Variants in ZNF484 observed in about 807,000 individuals in gnomAD.
The protein encoded by ZNF484 is zinc finger protein 484.
ZNF484 carries 11 observed loss-of-function variants against 12.9 expected under a neutral mutation model. That is an observed-to-expected ratio of 0.85 (90% confidence interval 0.54 to 1.41). The LOEUF (loss-of-function observed/expected upper bound fraction) is 1.41. Among genes scored for constraint, ZNF484 ranks in the 40% most tolerant of loss-of-function variants. The pLI is 0.00. For missense variants in ZNF484, 807 were observed against 1,007.7 expected, an observed-to-expected ratio of 0.80 and a Z score of 2.70; for synonymous variants, 289 against 334.1, an observed-to-expected ratio of 0.86 and a Z score of 1.47.
At chr9:92,875,548 T>C (rs1857748081) in intron 1 of ZNF484, among the ~76,000 whole-genome samples, 1 of 152,200 alleles carries the variant, frequency 6.6e-6, no homozygotes, top group Non-Finnish European at 1.5e-5. Flanking sequence ...CTACAATACC[T>C]GATCACAGAG....
chr9:92,847,143 T>C lies in ZNF484; in HGVS notation c.1644A>G (p.Gly548=). 1 of 1,614,110 alleles carries C rather than the reference T, an allele frequency of 6.2e-7. No individual in the cohort carries two copies. Among genetic ancestry groups the C allele is most frequent in the Non-Finnish European group, 8.5e-7 (1 of 1,180,004 alleles). ...ATTCACTGCATTCATAATGTCTCTC[T>C]CCAGTATGACACTTCTGATGTATCC... ...RLRIHQKCHT[G]ERHYECSECG... The change falls in exon 5 of 5, where the codon GGA becomes GGG. Residue 548 remains glycine, a synonymous_variant. Transcript: ENST00000375495.
At chr9:92,872,363 A>G (rs1384989128) in intron 2 of ZNF484, among the ~76,000 whole-genome samples, 3 of 107,692 alleles carry the variant, frequency 2.8e-5, no homozygotes, top group South Asian at 2.7e-4. Context: ...AAGGGCCACA[A>G]ACTGAAATGT....
At chr9:92,866,115 A>T (rs1857054675) in intron 2 of ZNF484, among the ~76,000 whole-genome samples, 1 of 152,198 alleles carries the variant, frequency 6.6e-6, no homozygotes. Flanking sequence ...TTGAACACAC[A>T]CTAAAAAAAA....
intron 2 of ZNF484, among the ~76,000 whole-genome samples, chr9:92,870,276 G>C (rs902103186): frequency 6.6e-6 from 1 of 152,096 alleles, no homozygotes; most frequent in Non-Finnish European, 1.5e-5. Context: ...ACATCAACAA[G>C]TGCATACAAA....
rs1329465716 is a variant in ZNF484, at chr9:92,844,718, A to G, written c.*1510T>C. On this transcript the variant is annotated 3_prime_UTR_variant, in exon 5 of 5. Transcript: ENST00000375495. ...TCAGTAAAAGTATCCTTCAAAAATG[A>G]AGGCAAAATAAAACACTGCCAACAA... Among the ~76,000 whole-genome samples the G allele has an allele frequency of 6.6e-6, 1 of 152,252 alleles. No individual in the cohort carries two copies. Among genetic ancestry groups the G allele is most frequent in the Non-Finnish European group, 1.5e-5 (1 of 68,038 alleles).
rs1855659407 is a variant in ZNF484, at chr9:92,846,958, C to T, written c.1829G>A (p.Cys610Tyr). ...AGTGAAGGATTTCCCACAAATACTGCATTCATAGGGTTTCTCTCCAGTATG... is the reference window on the plus strand; with the variant it reads ...AGTGAAGGATTTCCCACAAATACTGTATTCATAGGGTTTCTCTCCAGTATG... ...RIHTGEKPYE[C>Y]SICGKSFTKK... Residue 610 changes from cysteine to tyrosine, a missense_variant, in exon 5 of 5, where the codon TGC becomes TAC. Physicochemically the swap from Cys to Tyr is radical, Grantham distance 194 (BLOSUM62 -2). Coordinates refer to ENST00000375495, the MANE Select transcript of ZNF484 (RefSeq NM_031486.4). The T allele has an allele frequency of 1.2e-6, 2 of 1,613,954 alleles. No individual in the cohort carries two copies. The highest frequency in any genetic ancestry group is 1.7e-6 in the Non-Finnish European group (2 of 1,180,022).
chr9:92,856,008 A>G (rs1459206858), intron 3 of ZNF484, 105 bp from the exon 4 acceptor site: 5 of 1,409,872 alleles, frequency 3.5e-6, no homozygotes, highest in Non-Finnish European at 4.9e-6. Context: ...TATTCACACT[A>G]CCCGAAAGAG....
chr9:92,865,232 G>A (rs989124113), intron 2 of ZNF484, among the ~76,000 whole-genome samples: 1 of 152,106 alleles, frequency 6.6e-6, no homozygotes, highest in Non-Finnish European at 1.5e-5. Context: ...TTGAGTCCAC[G>A]AGTTTGAGAC....
chr9:92,855,026 C>A (rs1346545285), intron 4 of ZNF484, among the ~76,000 whole-genome samples: 1 of 151,820 alleles, frequency 6.6e-6, no homozygotes, highest in Non-Finnish European at 1.5e-5. Flanking sequence ...AGAACAGTTG[C>A]CTCTTGGAAG....
At chr9:92,857,008 G>T (rs954557566) in intron 2 of ZNF484, among the ~76,000 whole-genome samples, 2 of 152,248 alleles carry the variant, frequency 1.3e-5, no homozygotes, top group African/African-American at 4.8e-5. Context: ...ACAGGCATGA[G>T]CCACGACACC....
At chr9:92,877,525 G>A (rs1400875419) in intron 1 of ZNF484, among the ~76,000 whole-genome samples, 36 of 151,924 alleles carry the variant, frequency 2.4e-4, no homozygotes, top group Non-Finnish European at 5.0e-4. Context: ...AAACAGAAAC[G>A]AAAATATAAA....
chr9:92,846,304 C>A lies in ZNF484; in HGVS notation c.2483G>T (p.Gly828Val). ...QLSMPQKSDN[G>V]EVECSMPQLW... ...TTGTGGCATGGAGCACTCTACTTCC[C>A]CATTGTCAGATTTCTGAGGCATACT... The change falls in exon 5 of 5, where the codon GGG (glycine) becomes GTG (valine). Residue 828 changes from glycine to valine, a missense_variant. Gly to Val is a moderately radical substitution (Grantham distance 109, BLOSUM62 -3). Transcript: ENST00000375495. The A allele has an allele frequency of 6.2e-7, 1 of 1,614,090 alleles. No homozygotes were observed. Among genetic ancestry groups the A allele is most frequent in the South Asian group, 1.1e-5 (1 of 91,078 alleles).
chr9:92,868,126 G>T (rs1857216274), intron 2 of ZNF484, among the ~76,000 whole-genome samples: 1 of 152,052 alleles, frequency 6.6e-6, no homozygotes, highest in South Asian at 2.1e-4. Flanking sequence ...GGTCCTGCTG[G>T]GCTGCACTCC....
At chr9:92,849,551 T>A in intron 4 of ZNF484, among the ~76,000 whole-genome samples, 1 of 152,146 alleles carries the variant, frequency 6.6e-6, no homozygotes, top group East Asian at 1.9e-4. Flanking sequence ...TGTGGGAGGC[T>A]GAGATGAGAG....
rs77719649 is a variant in ZNF484 at position 92,861,529 on chromosome 9, T to G, written c.16-5211A>C. Among the ~76,000 whole-genome samples the G allele has an allele frequency of 2.5e-3, 384 of 152,306 alleles. 2 individuals carry two copies. The highest frequency in any genetic ancestry group is 8.9e-3 in the African/African-American group (370 of 41,564). ...TGAAATTAAAAACCTCACTGGATGA[T>G]CTCAACAGCAGAATGGAGATCCAAA... On this transcript the variant is annotated intron_variant, in intron 2 of 4. Transcript: ENST00000375495.
intron 2 of ZNF484, among the ~76,000 whole-genome samples, chr9:92,872,920 A>C (rs970342089): frequency 1.3e-5 from 2 of 152,146 alleles, no homozygotes; most frequent in South Asian, 2.1e-4. Flanking sequence ...AAAAAAAAAA[A>C]CAAAAGAACT....
In ZNF484 at chr9:92,844,639, T is replaced by C. The variant is rs1476088735; in HGVS notation, c.*1589A>G. Among the ~76,000 whole-genome samples the C allele has an allele frequency of 6.6e-6, 1 of 152,102 alleles. No homozygotes were observed. Among genetic ancestry groups the C allele is most frequent in the African/African-American group, 2.4e-5 (1 of 41,412 alleles). Reference sequence around the variant, plus strand: ...TAAAACAATAAAAGACAAACCAAAATAAAATATCATCAAAATACTAATAGA... The same window carrying C: ...TAAAACAATAAAAGACAAACCAAAACAAAATATCATCAAAATACTAATAGA... On this transcript the variant is annotated 3_prime_UTR_variant, in exon 5 of 5. Transcript: ENST00000375495.
At chr9:92,875,143 C>T in intron 1 of ZNF484, 84 bp from the exon 2 acceptor site, 1 of 1,158,238 alleles carries the variant, frequency 8.6e-7, no homozygotes, top group Non-Finnish European at 1.2e-6. Context: ...ATTTAGTGCC[C>T]TTGCACCTTA....
Position 92,846,974 on chromosome 9 carries a change from C to G in ZNF484, c.1813G>C (p.Glu605Gln). The G allele has an allele frequency of 1.2e-6, 2 of 1,614,122 alleles. No homozygotes were observed. ...CAAATACTGCATTCATAGGGTTTCT[C>G]TCCAGTATGAATTCTCTCATGTGTA... Reference protein sequence around the residue: ...FITHERIHTGEKPYECSICGK... With the variant: ...FITHERIHTGQKPYECSICGK... The change falls in exon 5 of 5, where the codon GAG becomes CAG. Residue 605 changes from glutamate (E) to glutamine (Q), a missense_variant. Physicochemically the swap from Glu to Gln is conservative, Grantham distance 29. Transcript: ENST00000375495.
Sources: allele counts gnomAD v4.1 joint callset (sites outside exome capture counted in the v4.1 genomes callset), GRCh38; gene constraint gnomAD v4.1.1; transcripts MANE v1.5; gene names NCBI Gene and HGNC (gene_info 2026-07-23, HGNC 2026-07-21).